OR8B2: variants seen among roughly 807,000 people sequenced by gnomAD.
OR8B2 encodes olfactory receptor 8B2.
For synonymous variants in OR8B2, 98 were observed against 138.2 expected (o/e 0.71, Z 2.04); for missense variants, 304 against 379.6 (o/e 0.80, Z 1.65).
chr11:124,382,658 T>C lies in OR8B2; in HGVS notation c.686A>G (p.Lys229Arg). The C allele has an allele frequency of 1.2e-6, 2 of 1,613,034 alleles. No homozygotes were observed. The highest frequency in any genetic ancestry group is 2.2e-5 in the South Asian group (2 of 90,838). ...VFIVTSILHI[K>R]STQGRSKAFS... ...GGCTTTTGATCTTCCTTGAGTGGAT[T>C]TGATATGAAGAATGCTAGTGACAAT... is the stretch of plus-strand genomic sequence containing the variant. The change falls in exon 2 of 2, where the codon AAA (lysine) becomes AGA (arginine). Residue 229 changes from lysine (K) to arginine (R), a missense_variant. Transcript: ENST00000641451.
chr11:124,384,364 A>T lies in OR8B2; in HGVS notation c.-18+10T>A, dbSNP rs1860659652. Reference sequence around the variant, plus strand: ...TCCAGGAGAGAGAAATAGAAACTTGATTAACTCACCTTCCTTCCACTCAGA... The same window carrying T: ...TCCAGGAGAGAGAAATAGAAACTTGTTTAACTCACCTTCCTTCCACTCAGA... On this transcript the variant is annotated intron_variant, in intron 1 of 1. Coordinates refer to ENST00000641451, the MANE Select transcript of OR8B2 (RefSeq NM_001005468.2). The T allele has an allele frequency of 6.6e-6, 1 of 152,178 alleles. No homozygotes were observed. Among genetic ancestry groups the T allele is most frequent in the African/African-American group, 2.4e-5 (1 of 41,454 alleles). 9.4% of individuals were successfully genotyped at this position (152,178 alleles called of 1,614,324 possible). A position where few individuals can be genotyped will look rare whatever the true frequency, so the allele number is the denominator to read the frequency against.
intron 1 of OR8B2, among the ~76,000 whole-genome samples, chr11:124,383,742 CA>C (rs1860648443): frequency 6.6e-6 from 1 of 152,120 alleles, no homozygotes; most frequent in East Asian, 1.9e-4. Flanking sequence ...CTGTGATGAC[CA>C]CCAGGTAAGG....
rs971442158 is a variant in OR8B2 at position 124,384,385 on chromosome 11, T to A, written c.-29A>T. ...CTTGATTAACTCACCTTCCTTCCACTCAGAGAACTCAGTGCTGACCATTGA... is the reference window on the plus strand; with the variant it reads ...CTTGATTAACTCACCTTCCTTCCACACAGAGAACTCAGTGCTGACCATTGA... On this transcript the variant is annotated 5_prime_UTR_variant, in exon 1 of 2. Coordinates refer to ENST00000641451, the MANE Select transcript of OR8B2 (RefSeq NM_001005468.2). 2 of 152,152 alleles carry A rather than the reference T, an allele frequency of 1.3e-5. No individual in the cohort carries two copies. Among genetic ancestry groups the A allele is most frequent in the Admixed American group, 6.6e-5 (1 of 15,254 alleles). The allele number at this position is 152,152 out of a possible 1,614,324, so 9.4% of individuals were successfully genotyped here.
chr11:124,382,492 G>T lies in OR8B2; in HGVS notation c.852C>A (p.Leu284=), dbSNP rs1860608007. 9 of 1,614,030 alleles carry T rather than the reference G, an allele frequency of 5.6e-6. No homozygotes were observed. The Middle Eastern group carries it at 6.6e-4, about 118-fold the overall frequency. Residue 284 remains leucine (L), a synonymous_variant, in exon 2 of 2, where the codon CTC becomes CTA. Coordinates refer to ENST00000641451, the MANE Select transcript of OR8B2 (RefSeq NM_001005468.2). ...TCCTCAAACTGTAGATGAGGGGATT[G>T]AGCATGGGCACCACATTAGTGTAGA... The part of the protein sequence containing the change: ...SVFYTNVVPM[L]NPLIYSLRNK...
the OR8B2 span, among the ~76,000 whole-genome samples, chr11:124,389,777 A>G: frequency 1.3e-5 from 2 of 152,164 alleles, no homozygotes; most frequent in Non-Finnish European, 2.9e-5. Flanking sequence ...TGGACAAGAG[A>G]GTCCATAAAA....
the OR8B2 span, chr11:124,396,691 T>G: frequency 4.3e-6 from 7 of 1,613,578 alleles, no homozygotes; most frequent in Non-Finnish European, 4.2e-6. Flanking sequence ...CTAGTGACAA[T>G]GAAAACATAA....
At position 124,384,459 on chromosome 11, in the gene OR8B2, A is replaced by G. The variant is rs1285474609; in HGVS notation, c.-103T>C. ...TGGAGGTAGAACTGGTGGTGAAGGT[A>G]TCTACGTTGACCACATGTAGTCAAA... is the stretch of plus-strand genomic sequence containing the variant. On this transcript the variant is annotated 5_prime_UTR_variant, in exon 1 of 2. Coordinates refer to ENST00000641451, the MANE Select transcript of OR8B2 (RefSeq NM_001005468.2). 1 of 152,228 alleles carries G rather than the reference A, an allele frequency of 6.6e-6. No individual in the cohort carries two copies. The highest frequency in any genetic ancestry group is 1.5e-5 in the Non-Finnish European group (1 of 68,036). The allele number at this position is 152,228 out of a possible 1,614,324, so 9.4% of individuals were successfully genotyped here.
the OR8B2 span, among the ~76,000 whole-genome samples, chr11:124,390,294 T>A: frequency 6.6e-6 from 1 of 152,208 alleles, no homozygotes; most frequent in South Asian, 2.1e-4. Flanking sequence ...ACTATACTTC[T>A]AAGAGATTAC....
At chr11:124,385,491 CGTGTGTGTGTGTGTGT>C (rs57427804), upstream of OR8B2, among the ~76,000 whole-genome samples, 1 of 147,984 alleles carries the variant, frequency 6.8e-6, no homozygotes, top group Non-Finnish European at 1.5e-5. Context: ...ATTTAACATG[CGTGTGTGTGTGTGTGT>C]GTGTGTGTGT....
At chr11:124,384,723 C>G (rs1401773970), upstream of OR8B2, among the ~76,000 whole-genome samples, 1 of 152,174 alleles carries the variant, frequency 6.6e-6, no homozygotes, top group Non-Finnish European at 1.5e-5. Context: ...CTCAGGACCT[C>G]CCCTACCATG....
the OR8B2 span, chr11:124,395,468 A>AAC: frequency 6.6e-6 from 1 of 152,204 alleles, no homozygotes; most frequent in Admixed American, 6.6e-5. Flanking sequence ...GGCTCACAAA[A>AAC]TATTTGTAGA....
chr11:124,390,397 G>GGAA, the OR8B2 span, among the ~76,000 whole-genome samples: 7 of 152,146 alleles, frequency 4.6e-5, no homozygotes, highest in Non-Finnish European at 8.8e-5. Flanking sequence ...AGGCCACATT[G>GGAA]GAAGAAGAAG....
upstream of OR8B2, among the ~76,000 whole-genome samples, chr11:124,386,811 T>C (rs1257128773): frequency 2.6e-5 from 4 of 152,140 alleles, no homozygotes; most frequent in African/African-American, 7.2e-5. Flanking sequence ...TTTCTAGTTC[T>C]AGATCCCTGA....
chr11:124,395,572 C>T, the OR8B2 span: 2 of 152,098 alleles, frequency 1.3e-5, no homozygotes, highest in Non-Finnish European at 2.9e-5. Flanking sequence ...ACTTAATGTG[C>T]AGTATTTACC....
chr11:124,383,310 A>G lies in OR8B2; in HGVS notation c.34T>C (p.Phe12Leu). The change falls in exon 2 of 2, where the codon TTT becomes CTT. Residue 12 changes from phenylalanine to leucine, a missense_variant. Physicochemically the swap from Phe to Leu is conservative, Grantham distance 22 (BLOSUM62 0). Coordinates refer to ENST00000641451, the MANE Select transcript of OR8B2 (RefSeq NM_001005468.2). ...LARNNSLVTE[F>L]ILAGLTDHPE... is the part of the protein sequence containing the mutation. The stretch of plus-strand genomic sequence containing the variant: ...TGATCTGTTAATCCAGCAAGAATAA[A>G]TTCAGTCACTAAGGAGTTGTTTCTA... 1 of 1,613,480 alleles carries G rather than the reference A, an allele frequency of 6.2e-7. No individual in the cohort carries two copies. The highest frequency in any genetic ancestry group is 8.5e-7 in the Non-Finnish European group (1 of 1,179,666).
At chr11:124,392,031 A>G in the OR8B2 span, among the ~76,000 whole-genome samples, 1 of 122,630 alleles carries the variant, frequency 8.2e-6, no homozygotes, top group South Asian at 2.9e-4. Flanking sequence ...ATCTCAATAG[A>G]TGCAGAAAAG....
chr11:124,394,535 C>G, the OR8B2 span, among the ~76,000 whole-genome samples: 1 of 152,130 alleles, frequency 6.6e-6, no homozygotes, highest in Non-Finnish European at 1.5e-5. Context: ...AAGTCTTGGT[C>G]AGGAGGATAG....
the OR8B2 span, among the ~76,000 whole-genome samples, chr11:124,391,401 A>C: frequency 0.024 from 3,669 of 152,200 alleles, 165 homozygotes; most frequent in African/African-American, 0.084. Context: ...GAGAAGAATC[A>C]AATAGATGCA....
At chr11:124,385,698 A>G (rs780390936), upstream of OR8B2, among the ~76,000 whole-genome samples, 3 of 149,606 alleles carry the variant, frequency 2.0e-5, no homozygotes, top group Admixed American at 6.7e-5. Flanking sequence ...TGGTGCAATC[A>G]CAGCTCACTG....
Sources: gnomAD v4.1 joint callset for allele counts (sites outside exome capture counted in the v4.1 genomes callset) on GRCh38, gnomAD v4.1.1 for gene constraint, MANE v1.5 for transcripts, NCBI Gene and HGNC (gene_info 2026-07-23, HGNC 2026-07-21) for gene names.